GPR39: variants seen among roughly 807,000 people sequenced by gnomAD.
GPR39 encodes the protein zinc sensing receptor.
GPR39 carries 23 observed loss-of-function variants against 18.4 expected under a neutral mutation model. The ratio of observed to expected loss-of-function variants is 1.25; its 90% CI spans 0.90 to 1.77. The LOEUF is 1.77. Among genes scored for constraint, GPR39 ranks in the 40% most tolerant of loss-of-function variants. The pLI is 0.00. For missense variants in GPR39, 647 were observed against 602.4 expected (o/e 1.07, Z -0.78); for synonymous variants, 280 against 257.9 (o/e 1.09, Z -0.82).
chr2:132,602,958 A>G (rs1019217688), intron 1 of GPR39, among the ~76,000 whole-genome samples: 9 of 152,128 alleles, frequency 5.9e-5, no homozygotes, highest in South Asian at 4.1e-4. Flanking sequence ...TAGTACAGCT[A>G]TATGAAAAAC....
At chr2:132,576,557 G>A (rs1454285696) in intron 1 of GPR39, among the ~76,000 whole-genome samples, 2 of 152,128 alleles carry the variant, frequency 1.3e-5, no homozygotes, top group Non-Finnish European at 2.9e-5. Context: ...GGAGGCTGAG[G>A]CATGAGAATT....
intron 1 of GPR39, among the ~76,000 whole-genome samples, chr2:132,536,825 A>T (rs1223409289): frequency 1.3e-5 from 2 of 151,988 alleles, no homozygotes; most frequent in Non-Finnish European, 2.9e-5. Context: ...TATGTAATGC[A>T]CTTCTTGGTC....
At chr2:132,504,342 C>A (rs1679098914) in intron 1 of GPR39, among the ~76,000 whole-genome samples, 1 of 152,142 alleles carries the variant, frequency 6.6e-6, no homozygotes, top group African/African-American at 2.4e-5. Flanking sequence ...GCAAGAGATG[C>A]CCCTCAGTGG....
At chr2:132,433,010 A>G (rs557966663) in intron 1 of GPR39, among the ~76,000 whole-genome samples, 1 of 152,334 alleles carries the variant, frequency 6.6e-6, no homozygotes, top group East Asian at 1.9e-4. Flanking sequence ...TTTTTTCCCA[A>G]TAAACGTATT....
intron 1 of GPR39, among the ~76,000 whole-genome samples, chr2:132,432,644 C>A (rs13411520): frequency 6.6e-6 from 1 of 151,990 alleles, no homozygotes; most frequent in African/African-American, 2.4e-5. Flanking sequence ...CTGGTATTCT[C>A]GGAGGACATT....
At chr2:132,591,143 C>T (rs1033310475) in intron 1 of GPR39, among the ~76,000 whole-genome samples, 2 of 149,344 alleles carry the variant, frequency 1.3e-5, no homozygotes, top group African/African-American at 4.9e-5. Context: ...CCCAGCTACT[C>T]GGGAGGCTGA....
intron 1 of GPR39, among the ~76,000 whole-genome samples, chr2:132,604,268 T>C (rs113021968): frequency 1.8e-4 from 27 of 152,302 alleles, no homozygotes; most frequent in Middle Eastern, 3.4e-3. Context: ...ACATGATAGA[T>C]GTCTATCCCC....
chr2:132,544,950 A>G (rs963986762), intron 1 of GPR39, among the ~76,000 whole-genome samples: 2 of 152,212 alleles, frequency 1.3e-5, no homozygotes, highest in African/African-American at 2.4e-5. Context: ...TAAAAAACCA[A>G]TTAGGGAATG....
intron 1 of GPR39, among the ~76,000 whole-genome samples, chr2:132,441,036 A>G (rs572017716): frequency 1.9e-4 from 29 of 152,344 alleles, no homozygotes; most frequent in South Asian, 1.2e-3. Context: ...TTAAAAACTC[A>G]AGCAGGCTGA....
intron 1 of GPR39, among the ~76,000 whole-genome samples, chr2:132,537,265 G>A (rs184376710): frequency 1.6e-4 from 25 of 152,158 alleles, no homozygotes; most frequent in African/African-American, 5.8e-4. Flanking sequence ...GCAGTCCTGT[G>A]GTGACTAAAT....
At chr2:132,438,573 C>CTT (rs35614907) in intron 1 of GPR39, among the ~76,000 whole-genome samples, 445 of 97,492 alleles carry the variant, frequency 4.6e-3, no homozygotes, top group African/African-American at 6.1e-3. Context: ...TGTCAGCAAG[C>CTT]TTTTTTTTTT....
intron 1 of GPR39, among the ~76,000 whole-genome samples, chr2:132,518,735 A>T (rs1482817083): frequency 6.6e-6 from 1 of 152,230 alleles, no homozygotes; most frequent in African/African-American, 2.4e-5. Flanking sequence ...GGTGACATTA[A>T]CTTTAATATA....
chr2:132,431,720 G>A (rs10211294), intron 1 of GPR39, among the ~76,000 whole-genome samples: 32,619 of 152,146 alleles, frequency 0.21, 3,660 homozygotes, highest in African/African-American at 0.26. Flanking sequence ...GGAGTGTGGT[G>A]TGTGTGGACT....
intron 1 of GPR39, among the ~76,000 whole-genome samples, chr2:132,548,827 T>A (rs980800481): frequency 2.0e-5 from 3 of 152,218 alleles, no homozygotes; most frequent in Admixed American, 2.0e-4. Context: ...ACTACTCTTA[T>A]CATTATGCAG....
intron 1 of GPR39, among the ~76,000 whole-genome samples, chr2:132,584,498 C>T (rs1158635288): frequency 6.6e-6 from 1 of 151,984 alleles, no homozygotes; most frequent in Non-Finnish European, 1.5e-5. Context: ...GGAGAGGTAC[C>T]CAGAGGGCAG....
At chr2:132,533,312 A>G (rs1296382943) in intron 1 of GPR39, among the ~76,000 whole-genome samples, 2 of 152,092 alleles carry the variant, frequency 1.3e-5, no homozygotes, top group African/African-American at 2.4e-5. Flanking sequence ...CCCTTCAAGG[A>G]GAGCTACAAA....
chr2:132,469,783 A>G (rs897813126), intron 1 of GPR39, among the ~76,000 whole-genome samples: 4 of 152,184 alleles, frequency 2.6e-5, no homozygotes, highest in African/African-American at 9.6e-5. Flanking sequence ...CCTGCTAGAG[A>G]CTACCTCACT....
rs1396532283 is a variant in GPR39 at position 132,645,336 on chromosome 2, G to A, written c.1092G>A (p.Ser364=). ...TGCAGGTGCTGTGCTGCCGCCTGTCGCTGCAGCACGCCAACCACGAGAAGC... is the reference window on the plus strand; with the variant it reads ...TGCAGGTGCTGTGCTGCCGCCTGTCACTGCAGCACGCCAACCACGAGAAGC... The part of the protein sequence containing the change: ...VFVQVLCCRL[S]LQHANHEKRL... Residue 364 remains serine (S), a synonymous_variant, in exon 2 of 2, where the codon TCG becomes TCA. Transcript: ENST00000329321. 11 of 1,614,088 alleles carry A rather than the reference G, an allele frequency of 6.8e-6. No individual in the cohort carries two copies. Among genetic ancestry groups the A allele is most frequent in the Non-Finnish European group, 9.3e-6 (11 of 1,180,036 alleles).
chr2:132,449,363 C>T (rs1162296537), intron 1 of GPR39, among the ~76,000 whole-genome samples: 1 of 152,194 alleles, frequency 6.6e-6, no homozygotes, highest in East Asian at 1.9e-4. Context: ...TCTCCAGCCT[C>T]AGCCTCCTGA....
Sources: gnomAD v4.1 joint callset for allele counts (sites outside exome capture counted in the v4.1 genomes callset) on GRCh38, gnomAD v4.1.1 for gene constraint, MANE v1.5 for transcripts, NCBI Gene and HGNC (gene_info 2026-07-23, HGNC 2026-07-21) for gene names.